TTC7B: variants seen among roughly 807,000 people sequenced by gnomAD.
The protein encoded by TTC7B is tetratricopeptide repeat domain 7B.
TTC7B carries 28 observed loss-of-function variants against 106.8 expected under a neutral mutation model. That is an observed-to-expected ratio of 0.26 (90% CI 0.19 to 0.36). TTC7B has a LOEUF of 0.36. Among genes scored for constraint, TTC7B ranks in the 10% least tolerant of loss-of-function variants. TTC7B has a pLI of 1.00. For synonymous variants in TTC7B, 405 were observed against 430.6 expected (o/e 0.94, Z 0.74); for missense variants, 862 against 1,076.4 (o/e 0.80, Z 2.79).
At chr14:90,700,141 G>A (rs902002307) in intron 5 of TTC7B, among the ~76,000 whole-genome samples, 5 of 152,010 alleles carry the variant, frequency 3.3e-5, no homozygotes, top group East Asian at 1.9e-4. Context: ...GTATGCCCTC[G>A]GGGGCTTTGC....
At chr14:90,583,570 A>T (rs932026879) in intron 18 of TTC7B, among the ~76,000 whole-genome samples, 9 of 152,188 alleles carry the variant, frequency 5.9e-5, no homozygotes, top group African/African-American at 1.9e-4. Flanking sequence ...TGGGAACTCA[A>T]CGCCATCAGC....
intron 19 of TTC7B, among the ~76,000 whole-genome samples, chr14:90,541,945 G>T (rs2077723513): frequency 6.6e-6 from 1 of 152,150 alleles, no homozygotes; most frequent in South Asian, 2.1e-4. Flanking sequence ...TTTTCTGTTT[G>T]TTTTTTGTTT....
chr14:90,666,804 G>A (rs966443765), intron 9 of TTC7B, among the ~76,000 whole-genome samples: 1 of 152,230 alleles, frequency 6.6e-6, no homozygotes, highest in Non-Finnish European at 1.5e-5. Context: ...GCCACAGTGA[G>A]AGGAGTAGAG....
chr14:90,616,688 A>G lies in TTC7B; in HGVS notation c.1868+1241T>C, dbSNP rs551747852. 2.0e-5 allele frequency among the ~76,000 whole-genome samples: 3 copies of G among 150,822 alleles called. No homozygotes were observed. In the South Asian group the frequency reaches 6.3e-4, roughly 32 times the overall value. On this transcript the variant is annotated intron_variant, in intron 16 of 19. Transcript: ENST00000328459. ...CCTTAACAGGGCCCTGACTTTGAAC[A>G]TTTTTTTTTAACTGCAGAAACATTT... is the stretch of plus-strand genomic sequence containing the variant.
intron 18 of TTC7B, among the ~76,000 whole-genome samples, chr14:90,593,131 T>C (rs116743927): frequency 0.018 from 2,801 of 152,282 alleles, 92 homozygotes; most frequent in African/African-American, 0.064. Context: ...TCTACCCAGT[T>C]GGTACAGCTA....
At chr14:90,587,537 C>T (rs1486728926) in intron 18 of TTC7B, among the ~76,000 whole-genome samples, 1 of 152,178 alleles carries the variant, frequency 6.6e-6, no homozygotes, top group Non-Finnish European at 1.5e-5. Context: ...GAGGTCACTG[C>T]CCAAGTGTGT....
At chr14:90,664,817 T>A (rs1021345837) in intron 9 of TTC7B, among the ~76,000 whole-genome samples, 4 of 152,158 alleles carry the variant, frequency 2.6e-5, no homozygotes, top group Admixed American at 2.6e-4. Context: ...GGGGGTTAAA[T>A]GCAGAAATAC....
intron 15 of TTC7B, among the ~76,000 whole-genome samples, chr14:90,639,921 A>G (rs1885099844): frequency 6.6e-6 from 1 of 152,228 alleles, no homozygotes; most frequent in Non-Finnish European, 1.5e-5. Flanking sequence ...CAGCATAAGG[A>G]CATATTCAGT....
At position 90,677,008 on chromosome 14, in the gene TTC7B, C is replaced by T. The variant is rs187431177; in HGVS notation, c.1015-348G>A. Reference sequence around the variant, plus strand: ...AGACGCAGCTGCGCTCTAGAGCAGCCGAATCATCCATCAAGTGAGGCCCTG... The same window carrying T: ...AGACGCAGCTGCGCTCTAGAGCAGCTGAATCATCCATCAAGTGAGGCCCTG... On this transcript the variant is annotated intron_variant, in intron 8 of 19. Transcript: ENST00000328459. 2.8e-3 allele frequency among the ~76,000 whole-genome samples: 420 copies of T among 152,246 alleles called. 2 individuals carry two copies. Among genetic ancestry groups the T allele is most frequent in the Middle Eastern group, 6.8e-3 (2 of 294 alleles).
chr14:90,646,535 T>C (rs1418932616), intron 14 of TTC7B, among the ~76,000 whole-genome samples: 1 of 152,188 alleles, frequency 6.6e-6, no homozygotes, highest in Non-Finnish European at 1.5e-5. Context: ...TGCCAATCAA[T>C]GACACCCTTA....
chr14:90,787,130 G>A (rs1891420124), intron 1 of TTC7B, among the ~76,000 whole-genome samples: 1 of 152,214 alleles, frequency 6.6e-6, no homozygotes, highest in African/African-American at 2.4e-5. Context: ...TATTCTTGCA[G>A]AGTAACAGAG....
chr14:90,665,519 C>T (rs1224877788), intron 9 of TTC7B, among the ~76,000 whole-genome samples: 1 of 152,202 alleles, frequency 6.6e-6, no homozygotes, highest in East Asian at 1.9e-4. Context: ...CCCAGTTACA[C>T]AAACTGGGTG....
Position 90,540,981 on chromosome 14 carries a change from G to A in TTC7B, c.*387C>T, listed in dbSNP as rs1263774095. ...GCAGGAGGGGTGGTGGGGAGAAAAGGACAGTTGTTTTCTTTACAGCTCTGA... is the reference window on the plus strand; with the variant it reads ...GCAGGAGGGGTGGTGGGGAGAAAAGAACAGTTGTTTTCTTTACAGCTCTGA... On this transcript the variant is annotated 3_prime_UTR_variant, in exon 20 of 20. Coordinates refer to ENST00000328459, the MANE Select transcript of TTC7B (RefSeq NM_001010854.2). The A allele has an allele frequency of 5.6e-6, 1 of 180,114 alleles. No homozygotes were observed. Among genetic ancestry groups the A allele is most frequent in the Non-Finnish European group, 1.2e-5 (1 of 86,674 alleles). 11.2% of individuals were successfully genotyped at this position (180,114 alleles called of 1,614,324 possible). A position where few individuals can be genotyped will look rare whatever the true frequency, so the allele number is the denominator to read the frequency against.
At position 90,525,271 on chromosome 14, in the gene TTC7B, G is replaced by GC. The variant is rs1889120022; in HGVS notation, c.*16096dup. On this transcript the variant is annotated 3_prime_UTR_variant, in exon 20 of 20. Coordinates refer to ENST00000328459, the MANE Select transcript of TTC7B (RefSeq NM_001010854.2). ...TGGAGATTCACCCATGTTGCTGCAG[G>GC]CACCAAGCCCCTCATATGGACAGAT... is the stretch of plus-strand genomic sequence containing the variant. The GC allele has an allele frequency of 6.6e-6, 1 of 152,232 alleles. No homozygotes were observed. Among genetic ancestry groups the GC allele is most frequent in the African/African-American group, 2.4e-5 (1 of 41,442 alleles). 9.4% of individuals were successfully genotyped at this position (152,232 alleles called of 1,614,324 possible). A position where few individuals can be genotyped will look rare whatever the true frequency, so the allele number is the denominator to read the frequency against.
At chr14:90,812,827 G>A (rs1049090440) in intron 1 of TTC7B, among the ~76,000 whole-genome samples, 25 of 152,154 alleles carry the variant, frequency 1.6e-4, no homozygotes, top group Admixed American at 1.3e-3. Context: ...CCACCTCTTG[G>A]CAAAACATCT....
At chr14:90,628,740 G>C (rs1884560869) in intron 15 of TTC7B, among the ~76,000 whole-genome samples, 1 of 152,248 alleles carries the variant, frequency 6.6e-6, no homozygotes, top group South Asian at 2.1e-4. Context: ...GCGCATCCTT[G>C]CATCAATCAG....
At position 90,742,531 on chromosome 14, in the gene TTC7B, T is replaced by C. The variant is rs1889810108; in HGVS notation, c.576+2261A>G. On this transcript the variant is annotated intron_variant, in intron 4 of 19. Transcript: ENST00000328459. The surrounding 1 kb of genome is among the most constrained non-coding windows in gnomAD (Gnocchi z 4.1). The stretch of plus-strand genomic sequence containing the variant: ...AGAGTGTGGAGAAATGTCATGCTTT[T>C]TCTTTGTTTGCAGCAGCCTGGGAGA... 6.6e-6 allele frequency among the ~76,000 whole-genome samples: 1 copy of C among 152,032 alleles called. No individual in the cohort carries two copies.
At chr14:90,786,607 T>C (rs1281435387) in intron 1 of TTC7B, among the ~76,000 whole-genome samples, 3 of 152,124 alleles carry the variant, frequency 2.0e-5, no homozygotes. Flanking sequence ...GAGATGGAGT[T>C]TCGCTCTTGT....
chr14:90,677,993 A>C, intron 8 of TTC7B: 1 of 337,240 alleles, frequency 3.0e-6, no homozygotes, highest in Non-Finnish European at 5.7e-6. Flanking sequence ...GCTCTGAAGG[A>C]AACAGGGGCC....
Sources: gnomAD v4.1 joint callset for allele counts (sites outside exome capture counted in the v4.1 genomes callset) on GRCh38, gnomAD v4.1.1 for gene constraint, Gnocchi (gnomAD v3.1) non-coding constraint, MANE v1.5 for transcripts, NCBI Gene and HGNC (gene_info 2026-07-23, HGNC 2026-07-21) for gene names.